STOML2: variants seen among roughly 807,000 people sequenced by gnomAD.
STOML2 encodes stomatin like 2, also known as stomatin-like protein 2, mitochondrial.
STOML2 carries 22 observed loss-of-function variants against 45.7 expected under a neutral mutation model. The observed-to-expected ratio is 0.48, with a 90% CI of 0.34 to 0.69. The LOEUF is 0.69. Among genes scored for constraint, STOML2 ranks in the 30% least tolerant of loss-of-function variants. The pLI is 0.01. For missense variants in STOML2, 359 were observed against 466.9 expected, an observed-to-expected ratio of 0.77 and a Z score of 2.13; for synonymous variants, 181 against 182.7, an observed-to-expected ratio of 0.99 and a Z score of 0.08.
Position 35,102,801 on chromosome 9 carries a change from C to G in STOML2, c.68G>C (p.Arg23Pro), listed in dbSNP as rs1416031553. Residue 23 changes from arginine to proline, a missense_variant, in exon 2 of 10, where the codon CGC becomes CCC. This residue lies in a region of STOML2 where 74 missense variants were observed against 45.0 expected (regional missense o/e 1.65). Coordinates refer to ENST00000356493, the MANE Select transcript of STOML2 (RefSeq NM_013442.3). The surrounding 1 kb of genome is among the most constrained non-coding windows in gnomAD (Gnocchi z 4.8). The part of the protein sequence containing the change: ...LLRGSLLASG[R>P]APRRASSGLP... ...TCCAGAGGAGGCGCGGCGCGGAGCGCGGCCAGAAGCCAGTAGAGAGCCCTG... is the reference window on the plus strand; with the variant it reads ...TCCAGAGGAGGCGCGGCGCGGAGCGGGGCCAGAAGCCAGTAGAGAGCCCTG... 1.2e-6 allele frequency: 2 copies of G among 1,613,888 alleles called. No individual in the cohort carries two copies. Among genetic ancestry groups the G allele is most frequent in the Non-Finnish European group, 8.5e-7 (1 of 1,179,908 alleles).
intron 9 of STOML2, 118 bp downstream of exon 9, chr9:35,100,480 G>A (rs1428455600): frequency 7.9e-6 from 11 of 1,393,980 alleles, no homozygotes; most frequent in Non-Finnish European, 1.1e-5. Context: ...ATGAAGGGAG[G>A]TCTAGGGCCA....
At chr9:35,100,549 T>C in intron 9 of STOML2, 49 bp downstream of exon 9, 1 of 1,599,908 alleles carries the variant, frequency 6.3e-7, no homozygotes, top group Non-Finnish European at 8.5e-7. Context: ...GGGTCTCAGT[T>C]TGGTCCCTGG....
At position 35,102,230 on chromosome 9, in the gene STOML2, G is replaced by A. The variant is rs1166418327; in HGVS notation, c.184-36C>T. 1 of 1,589,298 alleles carries A rather than the reference G, an allele frequency of 6.3e-7. No homozygotes were observed. Among genetic ancestry groups the A allele is most frequent in the Admixed American group, 1.7e-5 (1 of 59,170 alleles). On this transcript the variant is annotated intron_variant, in intron 2 of 9. Transcript: ENST00000356493. This position sits in a 1 kb window ranked among gnomAD's most constrained non-coding sequence, Gnocchi z 4.8. ...GAGTCATGGGTCCTCAGAAGGCTGG[G>A]AACTATTGGGTTGGGACCTAAGCTA...
rs1829819896 is a variant in STOML2, at chr9:35,101,615, C to T, written c.445-55G>A. 3 of 1,613,870 alleles carry T rather than the reference C, an allele frequency of 1.9e-6. No individual in the cohort carries two copies. The highest frequency in any genetic ancestry group is 1.3e-5 in the African/African-American group (1 of 74,938). On this transcript the variant is annotated intron_variant, in intron 5 of 9. Transcript: ENST00000356493. The surrounding 1 kb of genome is among the most constrained non-coding windows in gnomAD (Gnocchi z 4.3). ...TCAACCTACCTATCAAGGGCCTACA[C>T]TGAGAAGGGCCTGGGACTGATCTTG... is the stretch of plus-strand genomic sequence containing the variant.
upstream of STOML2, chr9:35,103,177 G>A (rs1829864575): frequency 6.5e-7 from 1 of 1,538,098 alleles, no homozygotes; most frequent in South Asian, 1.1e-5. Flanking sequence ...CTTTCCTCTT[G>A]CAGTTCCGCT....
Position 35,101,738 on chromosome 9 carries a change from C to T in STOML2, c.416G>A (p.Gly139Asp). 1 of 1,614,114 alleles carries T rather than the reference C, an allele frequency of 6.2e-7. No homozygotes were observed. The highest frequency in any genetic ancestry group is 8.5e-7 in the Non-Finnish European group (1 of 1,180,020). The change falls in exon 5 of 10, where the codon GGC becomes GAC. Residue 139 changes from glycine (G) to aspartate (D), a missense_variant. By Grantham distance (94) the Gly-to-Asp change is moderately conservative. This residue lies in a region of STOML2 where 285 missense variants were observed against 422.0 expected (regional missense o/e 0.68). Transcript: ENST00000356493. The surrounding 1 kb of genome is among the most constrained non-coding windows in gnomAD (Gnocchi z 4.3). ...LAQTTMRSEL[G>D]KLSLDKVFRE... ...GAAGACTTTGTCCAGAGAGAGTTTGCCGAGCTCTGATCTCATGGTTGTTTG... is the reference window on the plus strand; with the variant it reads ...GAAGACTTTGTCCAGAGAGAGTTTGTCGAGCTCTGATCTCATGGTTGTTTG...
In STOML2 at chr9:35,102,174, A is replaced by T; in HGVS notation, c.204T>A (p.Pro68=). 2 of 1,613,950 alleles carry T rather than the reference A, an allele frequency of 1.2e-6. No individual in the cohort carries two copies. The highest frequency in any genetic ancestry group is 2.2e-5 in the South Asian group (2 of 91,074). The change falls in exon 3 of 10, where the codon CCT becomes CCA. Residue 68 remains proline (P), a synonymous_variant. Coordinates refer to ENST00000356493, the MANE Select transcript of STOML2 (RefSeq NM_013442.3). The surrounding 1 kb of genome is among the most constrained non-coding windows in gnomAD (Gnocchi z 4.8). ...GCACATATCGGATCCGGTCTAACAC[A>T]GGGATGAGGATGTTCAAACCCTGGA... ...ILEPGLNILI[P]VLDRIRYVQS...
rs1356404935 is a variant in STOML2, at chr9:35,101,233, C to T, written c.626G>A (p.Gly209Glu). 1 of 1,614,184 alleles carries T rather than the reference C, an allele frequency of 6.2e-7. No individual in the cohort carries two copies. Among genetic ancestry groups the T allele is most frequent in the Non-Finnish European group, 8.5e-7 (1 of 1,180,042 alleles). Reference protein sequence around the residue: ...RKRATVLESEGTRESAINVAE... With the variant: ...RKRATVLESEETRESAINVAE... The stretch of plus-strand genomic sequence containing the variant: ...CACATTGATGGCCGACTCTCGGGTC[C>T]CCTCAGACTCTAGAACTGTGGCCCG... Residue 209 changes from glycine (G) to glutamate (E), a missense_variant, in exon 7 of 10, where the codon GGG becomes GAG. Around this residue, in one of 2 missense-constraint regions of STOML2, gnomAD observed 285 missense variants for 422.0 expected, o/e 0.68. Coordinates refer to ENST00000356493, the MANE Select transcript of STOML2 (RefSeq NM_013442.3). This position sits in a 1 kb window ranked among gnomAD's most constrained non-coding sequence, Gnocchi z 4.3.
chr9:35,100,658 C>T lies in STOML2; in HGVS notation c.873G>A (p.Lys291=). The part of the protein sequence containing the change: ...QYVSAFSKLA[K]DSNTILLPSN... ...AGGGCAGTAGGATAGTGTTGGAGTC[C>T]TTGGCCAGTTTGGAGAACGCGCTGA... The change falls in exon 9 of 10, where the codon AAG becomes AAA. Residue 291 remains lysine (K), a synonymous_variant. Transcript: ENST00000356493. 6.2e-7 allele frequency: 1 copy of T among 1,614,126 alleles called. No homozygotes were observed. The highest frequency in any genetic ancestry group is 8.5e-7 in the Non-Finnish European group (1 of 1,180,012).
In STOML2 at chr9:35,100,680, C is replaced by G; in HGVS notation, c.851G>C (p.Ser284Thr). Residue 284 changes from serine to threonine, a missense_variant, in exon 9 of 10, where the codon AGC (serine) becomes ACC (threonine). Coordinates refer to ENST00000356493, the MANE Select transcript of STOML2 (RefSeq NM_013442.3). ...ASLTVAEQYVSAFSKLAKDSN... is the reference protein window; with the variant it reads ...ASLTVAEQYVTAFSKLAKDSN... The stretch of plus-strand genomic sequence containing the variant: ...GTCCTTGGCCAGTTTGGAGAACGCG[C>G]TGACATACTGCTCGGCCACAGTCAG... 6.2e-7 allele frequency: 1 copy of G among 1,614,114 alleles called. No individual in the cohort carries two copies. Among genetic ancestry groups the G allele is most frequent in the East Asian group, 2.2e-5 (1 of 44,874 alleles).
In STOML2 at chr9:35,102,015, G is replaced by C. The variant is rs1829828562; in HGVS notation, c.284-53C>G. Reference sequence around the variant, plus strand: ...AAGTCAGGCCTCTAGGTCCCAACCAGTTCTTTCTACTAAGCTCTGGATCTA... The same window carrying C: ...AAGTCAGGCCTCTAGGTCCCAACCACTTCTTTCTACTAAGCTCTGGATCTA... On this transcript the variant is annotated intron_variant, in intron 3 of 9. Coordinates refer to ENST00000356493, the MANE Select transcript of STOML2 (RefSeq NM_013442.3). The surrounding 1 kb of genome is among the most constrained non-coding windows in gnomAD (Gnocchi z 4.8). 6.2e-7 allele frequency: 1 copy of C among 1,613,248 alleles called. No individual in the cohort carries two copies. The highest frequency in any genetic ancestry group is 1.3e-5 in the African/African-American group (1 of 74,980).
Position 35,099,940 on chromosome 9 carries a change from A to G in STOML2, c.*95T>C. 1 of 1,508,562 alleles carries G rather than the reference A, an allele frequency of 6.6e-7. No individual in the cohort carries two copies. Among genetic ancestry groups the G allele is most frequent in the Non-Finnish European group, 9.0e-7 (1 of 1,115,508 alleles). The allele number at this position is 1,508,562 out of a possible 1,614,324, so 93.4% of individuals were successfully genotyped here. On this transcript the variant is annotated 3_prime_UTR_variant, in exon 10 of 10. Transcript: ENST00000356493. ...TATTACACGACTAAAGTTCAAATAA[A>G]AAAATAAAAACCAAAATCTTGGCAG...
At position 35,101,751 on chromosome 9, in the gene STOML2, T is replaced by C; in HGVS notation, c.403A>G (p.Arg135Gly). 6.2e-7 allele frequency: 1 copy of C among 1,614,094 alleles called. No homozygotes were observed. The highest frequency in any genetic ancestry group is 8.5e-7 in the Non-Finnish European group (1 of 1,180,006). ...AGAGAGAGTTTGCCGAGCTCTGATC[T>C]CATGGTTGTTTGAGCTAGCTGGGTG... ...AVTQLAQTTM[R>G]SELGKLSLDK... The change falls in exon 5 of 10, where the codon AGA becomes GGA. Residue 135 changes from arginine to glycine, a missense_variant. Physicochemically the swap from Arg to Gly is moderately radical, Grantham distance 125. Coordinates refer to ENST00000356493, the MANE Select transcript of STOML2 (RefSeq NM_013442.3). The surrounding 1 kb of genome is among the most constrained non-coding windows in gnomAD (Gnocchi z 4.3).
chr9:35,100,656 T>A lies in STOML2; in HGVS notation c.875A>T (p.Asp292Val), dbSNP rs1829796565. The change falls in exon 9 of 10, where the codon GAC becomes GTC. Residue 292 changes from aspartate (D) to valine (V), a missense_variant. This residue lies in a region of STOML2 where 285 missense variants were observed against 422.0 expected (regional missense o/e 0.68). Transcript: ENST00000356493. ...GGAGGGCAGTAGGATAGTGTTGGAG[T>A]CCTTGGCCAGTTTGGAGAACGCGCT... The part of the protein sequence containing the change: ...YVSAFSKLAK[D>V]SNTILLPSNP... The A allele has an allele frequency of 6.2e-7, 1 of 1,613,778 alleles. No individual in the cohort carries two copies. The highest frequency in any genetic ancestry group is 8.5e-7 in the Non-Finnish European group (1 of 1,179,990).
Position 35,102,916 on chromosome 9 carries a change from G to A in STOML2, c.46-93C>T. 1 of 1,573,296 alleles carries A rather than the reference G, an allele frequency of 6.4e-7. No individual in the cohort carries two copies. Among genetic ancestry groups the A allele is most frequent in the Non-Finnish European group, 8.6e-7 (1 of 1,157,350 alleles). ...CATCTCCATAAACCACGACCCTCAG[G>A]ATCCTCGGAGAATCACATGGGGACC... On this transcript the variant is annotated intron_variant, in intron 1 of 9. Coordinates refer to ENST00000356493, the MANE Select transcript of STOML2 (RefSeq NM_013442.3). The surrounding 1 kb of genome is among the most constrained non-coding windows in gnomAD (Gnocchi z 4.8).
At position 35,099,929 on chromosome 9, in the gene STOML2, A is replaced by G. The variant is rs145749248; in HGVS notation, c.*106T>C. ...ACTGGTGAGTTTATTACACGACTAA[A>G]GTTCAAATAAAAAAATAAAAACCAA... On this transcript the variant is annotated 3_prime_UTR_variant, in exon 10 of 10. Transcript: ENST00000356493. 9 of 1,415,246 alleles carry G rather than the reference A, an allele frequency of 6.4e-6. No individual in the cohort carries two copies. In the African/African-American group the frequency reaches 1.1e-4, roughly 18 times the overall value. 87.7% of individuals were successfully genotyped at this position (1,415,246 alleles called of 1,614,324 possible).
chr9:35,100,753 G>C (rs1262758155), intron 8 of STOML2, 27 bp from the exon 9 acceptor site: 2 of 1,614,016 alleles, frequency 1.2e-6, no homozygotes, highest in Non-Finnish European at 8.5e-7. Context: ...ATAAAAATCA[G>C]AGATCACCGA....
Position 35,101,092 on chromosome 9 carries a change from G to A in STOML2, c.724+43C>T. 1 of 1,613,528 alleles carries A rather than the reference G, an allele frequency of 6.2e-7. No individual in the cohort carries two copies. Among genetic ancestry groups the A allele is most frequent in the East Asian group, 2.2e-5 (1 of 44,870 alleles). ...TCCTGCCCCAGCACCAATCTTCAAA[G>A]GCCCATGCCTTGCTCCTCCCTCAGC... On this transcript the variant is annotated intron_variant, in intron 7 of 9. Transcript: ENST00000356493. This position sits in a 1 kb window ranked among gnomAD's most constrained non-coding sequence, Gnocchi z 4.3.
In STOML2 at chr9:35,100,182, G is replaced by A; in HGVS notation, c.934-10C>T. Reference sequence around the variant, plus strand: ...CATATACACCCATGGCCTGAGGAGAGGAACAGAGAGAATACCATGAGGACA... The same window carrying A: ...CATATACACCCATGGCCTGAGGAGAAGAACAGAGAGAATACCATGAGGACA... On this transcript the variant is annotated splice_polypyrimidine_tract_variant and intron_variant, in intron 9 of 9. Coordinates refer to ENST00000356493, the MANE Select transcript of STOML2 (RefSeq NM_013442.3). 6.2e-7 allele frequency: 1 copy of A among 1,613,712 alleles called. No individual in the cohort carries two copies. Among genetic ancestry groups the A allele is most frequent in the Non-Finnish European group, 8.5e-7 (1 of 1,179,830 alleles).
Sources: gnomAD v4.1 joint callset for allele counts on GRCh38, gnomAD v4.1.1 for gene constraint, gnomAD v4.1.1 regional missense constraint, Gnocchi (gnomAD v3.1) non-coding constraint, MANE v1.5 for transcripts, NCBI Gene and HGNC (gene_info 2026-07-23, HGNC 2026-07-21) for gene names.